RGS7BP: variants seen among roughly 807,000 people sequenced by gnomAD.
The protein encoded by RGS7BP is regulator of G protein signaling 7-binding protein.
RGS7BP carries 9 observed loss-of-function variants against 31.3 expected under a neutral mutation model. The ratio of observed to expected loss-of-function variants is 0.29; its 90% CI spans 0.17 to 0.50. RGS7BP has a LOEUF of 0.50. Among genes scored for constraint, RGS7BP ranks in the 20% least tolerant of loss-of-function variants. RGS7BP has a pLI of 0.98. For missense variants in RGS7BP, 274 were observed against 322.0 expected (o/e 0.85, Z 1.14); for synonymous variants, 115 against 120.1 (o/e 0.96, Z 0.28).
At chr5:64,532,593 T>C (rs1378675345) in intron 2 of RGS7BP, among the ~76,000 whole-genome samples, 1 of 152,202 alleles carries the variant, frequency 6.6e-6, no homozygotes, top group Non-Finnish European at 1.5e-5. Context: ...AGAATGATGA[T>C]CTAGTTTTCT....
chr5:64,567,847 A>G (rs1347682339), intron 2 of RGS7BP, among the ~76,000 whole-genome samples: 1 of 152,174 alleles, frequency 6.6e-6, no homozygotes. Context: ...AATGACCCAT[A>G]CTTTCGATAT....
Position 64,544,214 on chromosome 5 carries a change from C to T in RGS7BP, c.333-31560C>T, listed in dbSNP as rs76162185. 3.2e-3 allele frequency among the ~76,000 whole-genome samples: 480 copies of T among 152,274 alleles called. 2 individuals are homozygous for T. The highest frequency in any genetic ancestry group is 0.011 in the African/African-American group (464 of 41,560). On this transcript the variant is annotated intron_variant, in intron 2 of 5. Coordinates refer to ENST00000334025, the MANE Select transcript of RGS7BP (RefSeq NM_001029875.3). ...ACAGTTCTTGCCTTCATAAAGCTTA[C>T]GCTGCAGTGGGAGCAAAAGAAGCAA...
chr5:64,506,663 C>A lies in RGS7BP; in HGVS notation c.39C>A (p.Ser13Arg). 1 of 1,612,386 alleles carries A rather than the reference C, an allele frequency of 6.2e-7. No homozygotes were observed. Among genetic ancestry groups the A allele is most frequent in the Non-Finnish European group, 8.5e-7 (1 of 1,178,756 alleles). ...CGAATGGGCGCAAAAAGCGCCCCAG[C>A]CGGTCCACCCGCTCCTCGATCTTCC... ...SAPNGRKKRPSRSTRSSIFQI... is the reference protein window; with the variant it reads ...SAPNGRKKRPRRSTRSSIFQI... Residue 13 changes from serine to arginine, a missense_variant, in exon 1 of 6, where the codon AGC (serine) becomes AGA (arginine). Ser to Arg is a moderately radical substitution (Grantham distance 110). Transcript: ENST00000334025. This position sits in a 1 kb window ranked among gnomAD's most constrained non-coding sequence, Gnocchi z 4.6.
At chr5:64,580,633 T>G (rs1336694963) in intron 3 of RGS7BP, among the ~76,000 whole-genome samples, 1 of 151,706 alleles carries the variant, frequency 6.6e-6, no homozygotes, top group Non-Finnish European at 1.5e-5. Flanking sequence ...ATATGTCATA[T>G]CTTAGCAAAA....
intron 2 of RGS7BP, among the ~76,000 whole-genome samples, chr5:64,574,863 A>G (rs1742379735): frequency 1.3e-5 from 2 of 152,210 alleles, no homozygotes; most frequent in South Asian, 4.1e-4. Context: ...TTTTAAATTA[A>G]TAGCGATGGA....
intron 2 of RGS7BP, among the ~76,000 whole-genome samples, chr5:64,532,278 C>A (rs1749389997): frequency 6.6e-6 from 1 of 150,986 alleles, no homozygotes; most frequent in African/African-American, 2.4e-5. Context: ...GCAAGCACCA[C>A]CACAATTTGT....
At chr5:64,556,562 AT>A (rs1741933559) in intron 2 of RGS7BP, among the ~76,000 whole-genome samples, 2 of 152,020 alleles carry the variant, frequency 1.3e-5, no homozygotes, top group African/African-American at 2.4e-5. Flanking sequence ...TAAGATAGTG[AT>A]ATTTGGGGAA....
chr5:64,577,864 G>T (rs1742478560), intron 3 of RGS7BP, among the ~76,000 whole-genome samples: 1 of 152,128 alleles, frequency 6.6e-6, no homozygotes, highest in Non-Finnish European at 1.5e-5. Context: ...GTCTGCATTG[G>T]CTGCACCTGC....
intron 3 of RGS7BP, among the ~76,000 whole-genome samples, chr5:64,586,562 T>G (rs1425655513): frequency 6.6e-6 from 1 of 152,208 alleles, no homozygotes; most frequent in Non-Finnish European, 1.5e-5. Flanking sequence ...CAATGCCCAC[T>G]CAATGTGTCC....
chr5:64,554,589 A>T (rs912796016), intron 2 of RGS7BP, among the ~76,000 whole-genome samples: 5 of 152,172 alleles, frequency 3.3e-5, no homozygotes, highest in African/African-American at 1.2e-4. Flanking sequence ...TGCTGTTGTT[A>T]TAGTCCAAAA....
chr5:64,606,261 A>G (rs1458692420), intron 5 of RGS7BP, among the ~76,000 whole-genome samples: 2 of 151,960 alleles, frequency 1.3e-5, no homozygotes, highest in Non-Finnish European at 2.9e-5. Context: ...TGACCACAAC[A>G]TACACGTACA....
intron 2 of RGS7BP, among the ~76,000 whole-genome samples, chr5:64,555,457 A>C (rs2111846689): frequency 6.6e-6 from 1 of 152,318 alleles, no homozygotes; most frequent in Non-Finnish European, 1.5e-5. Context: ...CCTTCAAACA[A>C]GAAACTTTAA....
intron 5 of RGS7BP, among the ~76,000 whole-genome samples, chr5:64,603,652 C>G (rs1014471321): frequency 6.6e-6 from 1 of 152,094 alleles, no homozygotes; most frequent in Non-Finnish European, 1.5e-5. Context: ...TTGGAAGTGT[C>G]CACAGGATTT....
At chr5:64,576,196 A>G (rs540845014) in intron 3 of RGS7BP, among the ~76,000 whole-genome samples, 1 of 152,346 alleles carries the variant, frequency 6.6e-6, no homozygotes, top group East Asian at 1.9e-4. Flanking sequence ...ACAGCAAGGT[A>G]TGTAGTGATT....
chr5:64,545,572 C>T (rs941765884), intron 2 of RGS7BP, among the ~76,000 whole-genome samples: 2 of 152,090 alleles, frequency 1.3e-5, no homozygotes, highest in Non-Finnish European at 2.9e-5. Flanking sequence ...TAGGAGGATG[C>T]CTGCATAATT....
chr5:64,535,779 T>C (rs1741335332), intron 2 of RGS7BP, among the ~76,000 whole-genome samples: 1 of 152,186 alleles, frequency 6.6e-6, no homozygotes, highest in Non-Finnish European at 1.5e-5. Flanking sequence ...CCTGCCAATA[T>C]CTTTTAGATT....
intron 2 of RGS7BP, among the ~76,000 whole-genome samples, chr5:64,513,236 G>A (rs984016126): frequency 6.6e-6 from 1 of 152,134 alleles, no homozygotes; most frequent in African/African-American, 2.4e-5. Context: ...ACATCCTAGA[G>A]GTCCAGAAGC....
chr5:64,553,416 C>A (rs971592139), intron 2 of RGS7BP, among the ~76,000 whole-genome samples: 3 of 152,108 alleles, frequency 2.0e-5, no homozygotes, highest in African/African-American at 4.8e-5. Context: ...AGGTGATCCA[C>A]CTGCCTCGGT....
chr5:64,598,013 C>T (rs1452451880), intron 4 of RGS7BP, among the ~76,000 whole-genome samples: 2 of 152,172 alleles, frequency 1.3e-5, no homozygotes, highest in Admixed American at 1.3e-4. Context: ...AGCCCTGTTG[C>T]TCCAGTTGTA....
Sources: gnomAD v4.1 joint callset for allele counts (sites outside exome capture counted in the v4.1 genomes callset) on GRCh38, gnomAD v4.1.1 for gene constraint, Gnocchi (gnomAD v3.1) non-coding constraint, MANE v1.5 for transcripts, NCBI Gene and HGNC (gene_info 2026-07-23, HGNC 2026-07-21) for gene names.